The following ROBO2 variants were observed in gnomAD, a reference collection of about 807,000 sequenced individuals.
ROBO2 encodes roundabout guidance receptor 2.
Under a neutral mutation model 160.8 loss-of-function variants are expected in ROBO2, and 53 were observed. The ratio of observed to expected loss-of-function variants is 0.33; its 90% CI spans 0.26 to 0.41. ROBO2 has a LOEUF of 0.41. Among genes scored for constraint, ROBO2 ranks in the 10% least tolerant of loss-of-function variants. The probability of loss-of-function intolerance (pLI) is 1.00; values close to 1 mark genes in which losing one functional copy is unlikely to be tolerated. For missense variants in ROBO2, 1,577 were observed against 1,722.4 expected, an observed-to-expected ratio of 0.92 and a Z score of 1.49; for synonymous variants, 664 against 611.7, an observed-to-expected ratio of 1.09 and a Z score of -1.26.
intron 2 of ROBO2, among the ~76,000 whole-genome samples, chr3:76,897,333 A>G (rs1055828721): frequency 3.3e-5 from 5 of 152,146 alleles, no homozygotes; most frequent in Non-Finnish European, 1.5e-5. Flanking sequence ...CAGTTTTGTA[A>G]AACTTTGGAG....
Position 77,139,854 on chromosome 3 carries a change from T to C in ROBO2, c.388+41514T>C, listed in dbSNP as rs558188716. On this transcript the variant is annotated intron_variant, in intron 2 of 25. Coordinates refer to ENST00000461745, the Ensembl canonical transcript of ROBO2. The stretch of plus-strand genomic sequence containing the variant: ...GATAATTATGGGCAAAGGTCAATCA[T>C]TTTCCCATCAAGGCAAATCCTGACA... Among the ~76,000 whole-genome samples the C allele has an allele frequency of 1.8e-3, 279 of 152,252 alleles. 2 individuals are homozygous for C. Among genetic ancestry groups the C allele is most frequent in the Non-Finnish European group, 3.5e-3 (236 of 68,018 alleles).
At chr3:77,602,257 C>G in exon 20 of ROBO2, 1 of 1,614,202 alleles carries the variant, frequency 6.2e-7, no homozygotes. Flanking sequence ...AGCAACGATG[C>G]TCTCAGATGG....
At chr3:76,458,244 G>C (rs1280136444) in intron 2 of ROBO2, among the ~76,000 whole-genome samples, 3 of 152,108 alleles carry the variant, frequency 2.0e-5, no homozygotes, top group African/African-American at 7.2e-5. Context: ...ATGCTTTGCT[G>C]CTTAGAAATT....
At chr3:76,314,452 T>G (rs2107808952) in intron 2 of ROBO2, among the ~76,000 whole-genome samples, 1 of 152,104 alleles carries the variant, frequency 6.6e-6, no homozygotes, top group South Asian at 2.1e-4. Flanking sequence ...ATATCATATT[T>G]ACATATAATA....
rs1265582812 is a variant in ROBO2, at chr3:76,119,912, CCCTCCCTTCCTT to C, written c.109+182314_109+182325del. Reference sequence around the variant, plus strand: ...CTTCCCTTCCTTCCCTTCCTTCCCTCCCTCCCTTCCTTCCTTCCTTCCTTCCTTCCTTCCTTC... The same window carrying C: ...CTTCCCTTCCTTCCCTTCCTTCCCTCCCTTCCTTCCTTCCTTCCTTCCTTC... On this transcript the variant is annotated intron_variant, in intron 2 of 26. Transcript: ENST00000487694. Among the ~76,000 whole-genome samples, 87 of 84,968 alleles carry C rather than the reference CCCTCCCTTCCTT, an allele frequency of 1.0e-3. 2 individuals carry two copies. Among genetic ancestry groups the C allele is most frequent in the Admixed American group, 3.5e-3 (30 of 8,502 alleles). 55.7% of individuals were successfully genotyped at this position (84,968 alleles called of 152,430 possible).
chr3:76,272,749 A>G lies in ROBO2; in HGVS notation c.109+335147A>G, dbSNP rs1442350578. Among the ~76,000 whole-genome samples, 11 of 56,202 alleles carry G rather than the reference A, an allele frequency of 2.0e-4. No individual in the cohort carries two copies. The East Asian group carries it at 4.4e-3, about 23-fold the overall frequency. 36.9% of individuals were successfully genotyped at this position (56,202 alleles called of 152,430 possible). On this transcript the variant is annotated intron_variant, in intron 2 of 26. Coordinates refer to the ROBO2 transcript ENST00000487694. ...ACATATAAATATATATATTCTCTAT[A>G]TATAAATATATAATATATATTTATA... is the stretch of plus-strand genomic sequence containing the variant.
At chr3:77,193,450 T>TG in intron 2 of ROBO2, among the ~76,000 whole-genome samples, 1 of 141,932 alleles carries the variant, frequency 7.0e-6, no homozygotes, top group Non-Finnish European at 1.6e-5. Context: ...CCAGCTAAGT[T>TG]TTTTTTTTTT....
At chr3:76,517,594 T>G (rs2081403935) in intron 2 of ROBO2, among the ~76,000 whole-genome samples, 1 of 152,214 alleles carries the variant, frequency 6.6e-6, no homozygotes, top group Non-Finnish European at 1.5e-5. Flanking sequence ...ACGATGTTTA[T>G]CATGCCTAAG....
At chr3:76,233,345 C>T (rs552967688) in intron 2 of ROBO2, among the ~76,000 whole-genome samples, 245 of 151,974 alleles carry the variant, frequency 1.6e-3, no homozygotes, top group African/African-American at 5.6e-3. Flanking sequence ...GGTTTCACCA[C>T]GTTGGCCAGG....
At chr3:75,986,464 C>G (rs1005619576) in intron 2 of ROBO2, among the ~76,000 whole-genome samples, 10 of 151,178 alleles carry the variant, frequency 6.6e-5, no homozygotes, top group African/African-American at 2.2e-4. Flanking sequence ...TGTCAAACAT[C>G]ATTTGCAAAT....
At chr3:76,467,267 C>T (rs1041019261) in intron 2 of ROBO2, among the ~76,000 whole-genome samples, 1 of 151,944 alleles carries the variant, frequency 6.6e-6, no homozygotes, top group African/African-American at 2.4e-5. Context: ...AATTATAAGA[C>T]AACCAAAGGT....
chr3:75,991,375 G>A (rs909633416), intron 2 of ROBO2, among the ~76,000 whole-genome samples: 1 of 151,940 alleles, frequency 6.6e-6, no homozygotes, highest in East Asian at 2.0e-4. Flanking sequence ...TGGGGTCAGG[G>A]CTTTTCCACA....
At chr3:76,729,233 G>A (rs2093597317) in intron 2 of ROBO2, among the ~76,000 whole-genome samples, 1 of 44,596 alleles carries the variant, frequency 2.2e-5, no homozygotes, top group Non-Finnish European at 4.9e-5. Flanking sequence ...CAGAGTAACT[G>A]TCTTTTTTTT....
chr3:76,859,651 G>C (rs2070528105), intron 2 of ROBO2, among the ~76,000 whole-genome samples: 1 of 152,134 alleles, frequency 6.6e-6, no homozygotes, highest in East Asian at 1.9e-4. Flanking sequence ...AGAACACATG[G>C]GGAAAGCAAA....
chr3:76,472,691 A>G (rs1418214095), intron 2 of ROBO2, among the ~76,000 whole-genome samples: 2 of 152,330 alleles, frequency 1.3e-5, no homozygotes, highest in Non-Finnish European at 2.9e-5. Flanking sequence ...ATATTTTGTT[A>G]TATAATCTCT....
chr3:77,567,306 T>C (rs2093512947), intron 12 of ROBO2, among the ~76,000 whole-genome samples: 1 of 152,048 alleles, frequency 6.6e-6, no homozygotes, highest in Non-Finnish European at 1.5e-5. Flanking sequence ...TTAAATACAA[T>C]AGTTGGAGAA....
chr3:77,478,633 T>C (rs2084319901), intron 3 of ROBO2, among the ~76,000 whole-genome samples: 1 of 152,236 alleles, frequency 6.6e-6, no homozygotes, highest in South Asian at 2.1e-4. Context: ...TAGTATAATT[T>C]TTATATTCAA....
chr3:76,552,340 G>T (rs139771676), intron 2 of ROBO2, among the ~76,000 whole-genome samples: 1 of 152,136 alleles, frequency 6.6e-6, no homozygotes, highest in African/African-American at 2.4e-5. Flanking sequence ...GAGAAATCCA[G>T]ATTCAAAGAC....
intron 2 of ROBO2, among the ~76,000 whole-genome samples, chr3:77,025,544 A>G (rs372272393): frequency 1.3e-5 from 2 of 152,216 alleles, no homozygotes; most frequent in Non-Finnish European, 2.9e-5. Context: ...CCAAATGAAC[A>G]TAAAGGGGGA....
Sources: gnomAD v4.1 joint callset for allele counts (sites outside exome capture counted in the v4.1 genomes callset) on GRCh38, gnomAD v4.1.1 for gene constraint, MANE v1.5 for transcripts, NCBI Gene and HGNC (gene_info 2026-07-23, HGNC 2026-07-21) for gene names.